RAB21: variants seen among roughly 807,000 people sequenced by gnomAD.
RAB21 encodes RAB21, member RAS oncogene family, also known as ras-related protein Rab-21.
In RAB21, 13 loss-of-function variants were observed where a neutral mutation model predicts 33.1. That is an observed-to-expected ratio of 0.39 (90% CI 0.26 to 0.62). The LOEUF (loss-of-function observed/expected upper bound fraction) is 0.62. Ranked by LOEUF, RAB21 falls within the 20% of genes least tolerant of loss-of-function variation. The pLI, the probability that RAB21 is intolerant of heterozygous loss-of-function variation, is 0.48. For synonymous variants in RAB21, 91 were observed against 103.7 expected (o/e 0.88, Z 0.74); for missense variants, 234 against 279.1 (o/e 0.84, Z 1.15).
At chr12:71,775,272 G>A (rs1351435625) in intron 4 of RAB21, among the ~76,000 whole-genome samples, 2 of 152,182 alleles carry the variant, frequency 1.3e-5, no homozygotes, top group Admixed American at 6.5e-5. Flanking sequence ...TATAGAGGAA[G>A]GTGAGTCCTG....
In RAB21 at chr12:71,755,264, C is replaced by A; in HGVS notation, c.135C>A (p.Asn45Lys). 6.5e-7 allele frequency: 1 copy of A among 1,541,252 alleles called. No individual in the cohort carries two copies. Reference sequence around the variant, plus strand: ...TGCGCTACTGCGAGAACAAGTTTAACGACAAGCACATCACCACTCTGCAGG... The same window carrying A: ...TGCGCTACTGCGAGAACAAGTTTAAAGACAAGCACATCACCACTCTGCAGG... The part of the protein sequence containing the change: ...LVLRYCENKF[N>K]DKHITTLQAS... The change falls in exon 1 of 7, where the codon AAC (asparagine) becomes AAA (lysine). Residue 45 changes from asparagine (N) to lysine (K), a missense_variant. Physicochemically the swap from Asn to Lys is moderately conservative, Grantham distance 94. Coordinates refer to ENST00000261263, the MANE Select transcript of RAB21 (RefSeq NM_014999.4).
intron 2 of RAB21, 43 bp from the exon 3 acceptor site, chr12:71,770,549 G>T (rs1883027306): frequency 7.5e-7 from 1 of 1,340,482 alleles, no homozygotes; most frequent in Middle Eastern, 1.8e-4. Flanking sequence ...TCGCAGATTT[G>T]TATTTTTCTT....
intron 4 of RAB21, among the ~76,000 whole-genome samples, chr12:71,777,125 T>C (rs561473550): frequency 6.6e-6 from 1 of 152,298 alleles, no homozygotes; most frequent in Admixed American, 6.5e-5. Context: ...TAACATAATT[T>C]TCACAAAATG....
rs1883435502 is a variant in RAB21, at chr12:71,794,427, A to ATATATATATTT, written c.*8755_*8756insATATATATTTT. 2 of 27,964 alleles carry ATATATATATTT rather than the reference A, an allele frequency of 7.2e-5. No individual in the cohort carries two copies. The highest frequency in any genetic ancestry group is 1.3e-4 in the African/African-American group (1 of 7,894). The allele number at this position is 27,964 out of a possible 1,614,324, so 1.7% of individuals were successfully genotyped here. On this transcript the variant is annotated 3_prime_UTR_variant, in exon 7 of 7. Transcript: ENST00000261263. ...ATATTATATATATATATATATATATATTTTTTTTTTTTTTTTTTTTTTTTT... is the reference window on the plus strand; with the variant it reads ...ATATTATATATATATATATATATATATATATATATTTTTTTTTTTTTTTTTTTTTTTTTTTT...
At chr12:71,777,815 G>C (rs1883143722) in intron 4 of RAB21, among the ~76,000 whole-genome samples, 1 of 151,888 alleles carries the variant, frequency 6.6e-6, no homozygotes. Flanking sequence ...TCCCACACTT[G>C]GAAATAAACC....
chr12:71,783,554 C>G (rs896461521), intron 6 of RAB21, among the ~76,000 whole-genome samples: 1 of 151,788 alleles, frequency 6.6e-6, no homozygotes, highest in Admixed American at 6.6e-5. Flanking sequence ...AAGTGATGTC[C>G]CCTGATCAGC....
chr12:71,765,039 G>A (rs1040830029), intron 1 of RAB21, among the ~76,000 whole-genome samples: 4 of 152,120 alleles, frequency 2.6e-5, no homozygotes, highest in African/African-American at 9.7e-5. Context: ...TCTCCATACT[G>A]TTTTCTTTAG....
chr12:71,780,100 G>A (rs1883176096), intron 4 of RAB21, among the ~76,000 whole-genome samples: 1 of 151,932 alleles, frequency 6.6e-6, no homozygotes, highest in Non-Finnish European at 1.5e-5. Flanking sequence ...TTTATTAATG[G>A]CCTGATTTAT....
In RAB21 at chr12:71,755,194, T is replaced by G; in HGVS notation, c.65T>G (p.Val22Gly). ...GCGGGCCGAGCCTACTCGTTCAAGG[T>G]GGTGCTGCTGGGGGAAGGCTGCGTG... ...AAAGRAYSFK[V>G]VLLGEGCVGK... Residue 22 changes from valine to glycine, a missense_variant, in exon 1 of 7, where the codon GTG becomes GGG. Val to Gly is a moderately radical substitution (Grantham distance 109, BLOSUM62 -3). Coordinates refer to ENST00000261263, the MANE Select transcript of RAB21 (RefSeq NM_014999.4). The G allele has an allele frequency of 2.0e-6, 3 of 1,518,878 alleles. No homozygotes were observed. The highest frequency in any genetic ancestry group is 2.6e-6 in the Non-Finnish European group (3 of 1,137,414). 94.1% of individuals were successfully genotyped at this position (1,518,878 alleles called of 1,614,324 possible). A position where few individuals can be genotyped will look rare whatever the true frequency, so the allele number is the denominator to read the frequency against.
rs1273548468 is a variant in RAB21, at chr12:71,799,717, G to A, written c.*14044G>A. 6.6e-6 allele frequency: 1 copy of A among 152,166 alleles called. No individual in the cohort carries two copies. Among genetic ancestry groups the A allele is most frequent in the East Asian group, 1.9e-4 (1 of 5,198 alleles). 9.4% of individuals were successfully genotyped at this position (152,166 alleles called of 1,614,324 possible). On this transcript the variant is annotated 3_prime_UTR_variant, in exon 7 of 7. Coordinates refer to ENST00000261263, the MANE Select transcript of RAB21 (RefSeq NM_014999.4). The stretch of plus-strand genomic sequence containing the variant: ...AAAAAAAGCCAGGGCAGAACAGTCT[G>A]TATACTGTATATTTTAAAATTGAAC...
intron 3 of RAB21, among the ~76,000 whole-genome samples, chr12:71,772,729 C>T (rs1307003346): frequency 6.6e-6 from 1 of 151,984 alleles, no homozygotes; most frequent in East Asian, 1.9e-4. Context: ...TCAAATTTTT[C>T]TTATGTGAAA....
intron 4 of RAB21, among the ~76,000 whole-genome samples, chr12:71,774,755 T>TGA (rs1565890718): frequency 9.0e-6 from 1 of 111,176 alleles, no homozygotes; most frequent in African/African-American, 6.7e-5. Flanking sequence ...AGACTGTGTC[T>TGA]TAAAAAAAAA....
chr12:71,755,640 T>C (rs1257845370), intron 1 of RAB21, among the ~76,000 whole-genome samples: 1 of 152,232 alleles, frequency 6.6e-6, no homozygotes, highest in African/African-American at 2.4e-5. Flanking sequence ...GCTCCTTTTC[T>C]TTCTTTCAGA....
chr12:71,755,144 C>T lies in RAB21; in HGVS notation c.15C>T (p.Gly5=). ...GAAGCGACGGGATGGCTGCGGCCGG[C>T]GGCGGCGGCGGCGGGGCGGCGGCGG... MAAA[G]GGGGGAAAAG... Residue 5 remains glycine (G), a synonymous_variant, in exon 1 of 7, where the codon GGC becomes GGT. Coordinates refer to ENST00000261263, the MANE Select transcript of RAB21 (RefSeq NM_014999.4). The T allele has an allele frequency of 7.9e-7, 1 of 1,266,724 alleles. No individual in the cohort carries two copies. Among genetic ancestry groups the T allele is most frequent in the Middle Eastern group, 2.5e-4 (1 of 4,032 alleles). The allele number at this position is 1,266,724 out of a possible 1,614,324, so 78.5% of individuals were successfully genotyped here. A position where few individuals can be genotyped will look rare whatever the true frequency, so the allele number is the denominator to read the frequency against.
chr12:71,777,376 CATTTT>C (rs1194429578), intron 4 of RAB21, among the ~76,000 whole-genome samples: 1 of 152,048 alleles, frequency 6.6e-6, no homozygotes, highest in Non-Finnish European at 1.5e-5. Flanking sequence ...TATAGTTGTT[CATTTT>C]ATTCTGATTG....
intron 1 of RAB21, among the ~76,000 whole-genome samples, chr12:71,768,520 T>G (rs1163692620): frequency 6.6e-6 from 1 of 152,204 alleles, no homozygotes; most frequent in Admixed American, 6.5e-5. Flanking sequence ...GATACTCTTC[T>G]TTCTTTCCTA....
In RAB21 at chr12:71,793,151, G is replaced by A. The variant is rs1370778516; in HGVS notation, c.*7478G>A. On this transcript the variant is annotated 3_prime_UTR_variant, in exon 7 of 7. Transcript: ENST00000261263. ...ATTTAGACAGCAGCCATTTTTGTTT[G>A]GTTTGGTTTGGTTTTGCGGTGATTT... 6.6e-6 allele frequency: 1 copy of A among 152,042 alleles called. No homozygotes were observed. The highest frequency in any genetic ancestry group is 2.4e-5 in the African/African-American group (1 of 41,396). 9.4% of individuals were successfully genotyped at this position (152,042 alleles called of 1,614,324 possible).
At chr12:71,763,369 C>T (rs1176802784) in intron 1 of RAB21, among the ~76,000 whole-genome samples, 1 of 152,118 alleles carries the variant, frequency 6.6e-6, no homozygotes, top group Non-Finnish European at 1.5e-5. Context: ...ATTGATTAAA[C>T]AAGTTATGAA....
intron 6 of RAB21, among the ~76,000 whole-genome samples, chr12:71,784,930 CA>C (rs200660575): frequency 4.6e-4 from 65 of 140,732 alleles, no homozygotes; most frequent in Admixed American, 9.2e-4. Flanking sequence ...CCATCTCTAG[CA>C]AAAAAAAAAA....
Sources: gnomAD v4.1 joint callset for allele counts (sites outside exome capture counted in the v4.1 genomes callset) on GRCh38, gnomAD v4.1.1 for gene constraint, MANE v1.5 for transcripts, NCBI Gene and HGNC (gene_info 2026-07-23, HGNC 2026-07-21) for gene names.